Variants in KAZN observed in about 807,000 individuals in gnomAD.
The protein encoded by KAZN is kazrin, periplakin interacting protein.
Under a neutral mutation model 87.4 loss-of-function variants are expected in KAZN, and 40 were observed. The ratio of observed to expected loss-of-function variants is 0.46; its 90% CI spans 0.36 to 0.60. KAZN has a LOEUF of 0.60. Ranked by LOEUF, KAZN falls within the 20% of genes least tolerant of loss-of-function variation. The probability of loss-of-function intolerance (pLI) is 0.00; values close to 1 mark genes in which losing one functional copy is unlikely to be tolerated. For synonymous variants in KAZN, 466 were observed against 458.3 expected (o/e 1.02, Z -0.22); for missense variants, 898 against 1,073.9 (o/e 0.84, Z 2.29).
chr1:14,699,136 A>G (rs955182086), intron 1 of KAZN, among the ~76,000 whole-genome samples: 1 of 151,798 alleles, frequency 6.6e-6, no homozygotes, highest in African/African-American at 2.4e-5. Flanking sequence ...GAAGTCCCAG[A>G]CTGAAGGTCC....
intron 8 of KAZN, among the ~76,000 whole-genome samples, chr1:15,093,956 TA>T (rs1418532768): frequency 1.3e-5 from 2 of 152,258 alleles, no homozygotes; most frequent in Non-Finnish European, 2.9e-5. Flanking sequence ...TTTACTGTTT[TA>T]TTTTTTTCTG....
At chr1:15,097,400 A>G (rs902560067) in intron 10 of KAZN, among the ~76,000 whole-genome samples, 2 of 152,132 alleles carry the variant, frequency 1.3e-5, no homozygotes, top group Admixed American at 1.3e-4. Context: ...GGGACTGGTC[A>G]CCTTATCTAC....
chr1:13,922,153 C>T (rs1050654142), intron 1 of KAZN, among the ~76,000 whole-genome samples: 6 of 152,148 alleles, frequency 3.9e-5, no homozygotes, highest in Non-Finnish European at 8.8e-5. Flanking sequence ...CTGGATTTCT[C>T]TGCCTTTTCT....
intron 1 of KAZN, among the ~76,000 whole-genome samples, chr1:14,625,552 A>G (rs941334009): frequency 6.6e-6 from 1 of 152,186 alleles, no homozygotes; most frequent in Non-Finnish European, 1.5e-5. Flanking sequence ...AAAGATTTCC[A>G]GTCATATTTC....
At chr1:14,737,254 C>A (rs900808074) in intron 1 of KAZN, among the ~76,000 whole-genome samples, 2 of 152,186 alleles carry the variant, frequency 1.3e-5, no homozygotes, top group South Asian at 4.2e-4. Flanking sequence ...GCGGATGGTG[C>A]AGGAGTGATC....
At chr1:14,247,212 G>A (rs1649596253) in intron 2 of KAZN, among the ~76,000 whole-genome samples, 1 of 152,000 alleles carries the variant, frequency 6.6e-6, no homozygotes, top group African/African-American at 2.4e-5. Context: ...ACTCTTCCTA[G>A]AATACTAGGA....
intron 10 of KAZN, among the ~76,000 whole-genome samples, chr1:15,098,193 C>A (rs977122008): frequency 6.6e-6 from 1 of 152,200 alleles, no homozygotes; most frequent in Admixed American, 6.5e-5. Context: ...AATTTTGTGC[C>A]GTCCTCAGAT....
At chr1:14,788,575 G>A (rs903004556) in intron 1 of KAZN, among the ~76,000 whole-genome samples, 1 of 151,988 alleles carries the variant, frequency 6.6e-6, no homozygotes, top group African/African-American at 2.4e-5. Flanking sequence ...TGAGCTACAG[G>A]CACCTGTCTG....
intron 2 of KAZN, among the ~76,000 whole-genome samples, chr1:14,334,283 C>A (rs1310609209): frequency 7.8e-6 from 1 of 128,598 alleles, no homozygotes; most frequent in African/African-American, 2.9e-5. Context: ...GAGAATCGCT[C>A]AAACCCAAGA....
intron 2 of KAZN, among the ~76,000 whole-genome samples, chr1:14,289,359 G>T (rs189669548): frequency 6.6e-6 from 1 of 152,148 alleles, no homozygotes; most frequent in Non-Finnish European, 1.5e-5. Context: ...ATGAATCTGG[G>T]TGCTCCTGTA....
intron 1 of KAZN, among the ~76,000 whole-genome samples, chr1:14,073,679 C>T (rs1643333925): frequency 6.6e-6 from 1 of 152,026 alleles, no homozygotes; most frequent in Non-Finnish European, 1.5e-5. Context: ...TGTTAGTTTG[C>T]TGAGAATGAT....
At chr1:14,116,761 C>A (rs1295259455) in intron 1 of KAZN, among the ~76,000 whole-genome samples, 2 of 152,206 alleles carry the variant, frequency 1.3e-5, no homozygotes, top group Admixed American at 6.5e-5. Context: ...CACTCAATGC[C>A]AGCCTGTGAA....
chr1:15,027,070 C>CTTTT (rs71000358), intron 2 of KAZN, among the ~76,000 whole-genome samples: 10,906 of 56,158 alleles, frequency 0.19, 2,455 homozygotes, highest in Middle Eastern at 0.26. Flanking sequence ...GCCAGTGCTT[C>CTTTT]TTTTTTTTTT....
At chr1:14,991,651 C>T (rs776505319) in intron 2 of KAZN, among the ~76,000 whole-genome samples, 10 of 152,196 alleles carry the variant, frequency 6.6e-5, no homozygotes, top group Non-Finnish European at 8.8e-5. Context: ...CATGGCCACA[C>T]ATACCCAGGT....
chr1:15,101,307 G>A (rs1318897262), intron 10 of KAZN, among the ~76,000 whole-genome samples: 2 of 149,640 alleles, frequency 1.3e-5, no homozygotes, highest in African/African-American at 2.5e-5. Flanking sequence ...CTCTCTCTCT[G>A]TCTCCCTCCT....
chr1:14,690,142 C>T (rs1229159030), intron 1 of KAZN, among the ~76,000 whole-genome samples: 2 of 152,180 alleles, frequency 1.3e-5, no homozygotes, highest in African/African-American at 2.4e-5. Context: ...GGCTGCACAT[C>T]TCATCCGGCA....
At chr1:14,904,186 C>T (rs984477489) in intron 1 of KAZN, among the ~76,000 whole-genome samples, 1 of 151,872 alleles carries the variant, frequency 6.6e-6, no homozygotes, top group African/African-American at 2.4e-5. Context: ...CCACGTGCCT[C>T]AATTTTCCTT....
At chr1:14,827,339 A>C (rs1402757384) in intron 1 of KAZN, among the ~76,000 whole-genome samples, 1 of 151,946 alleles carries the variant, frequency 6.6e-6, no homozygotes. Flanking sequence ...GATTTGTGAG[A>C]TTTTGGTGCA....
intron 1 of KAZN, among the ~76,000 whole-genome samples, chr1:14,683,238 C>T (rs566490070): frequency 2.6e-5 from 4 of 152,072 alleles, no homozygotes; most frequent in African/African-American, 4.8e-5. Context: ...GGTGCTGAGT[C>T]GCTCCAGAAG....
Sources: gnomAD v4.1 joint callset for allele counts (sites outside exome capture counted in the v4.1 genomes callset) on GRCh38, gnomAD v4.1.1 for gene constraint, MANE v1.5 for transcripts, NCBI Gene and HGNC (gene_info 2026-07-23, HGNC 2026-07-21) for gene names.